Variants in NHSL1 observed in about 807,000 individuals in gnomAD.
NHSL1 encodes NHS-like protein 1.
NHSL1 carries 48 observed loss-of-function variants against 95.0 expected under a neutral mutation model. The ratio of observed to expected loss-of-function variants is 0.51; its 90% CI spans 0.40 to 0.64. The LOEUF is 0.64. NHSL1 is among the 30% of genes least tolerant of loss of function. The pLI, the probability that NHSL1 is intolerant of heterozygous loss-of-function variation, is 0.00. For synonymous variants in NHSL1, 783 were observed against 833.9 expected (o/e 0.94, Z 1.05); for missense variants, 1,971 against 2,077.7 (o/e 0.95, Z 1.00).
intron 1 of NHSL1, among the ~76,000 whole-genome samples, chr6:138,552,641 T>C (rs1258133213): frequency 6.6e-6 from 1 of 152,126 alleles, no homozygotes; most frequent in Non-Finnish European, 1.5e-5. Flanking sequence ...TGTAAGAACC[T>C]TTAGGTCCTT....
At chr6:138,644,991 C>T (rs1784998400) in intron 1 of NHSL1, among the ~76,000 whole-genome samples, 1 of 152,194 alleles carries the variant, frequency 6.6e-6, no homozygotes, top group African/African-American at 2.4e-5. Context: ...TAAAAGGCCT[C>T]TGGGGCCTGA....
chr6:138,540,517 A>G (rs980782587), intron 1 of NHSL1, among the ~76,000 whole-genome samples: 24 of 152,328 alleles, frequency 1.6e-4, no homozygotes, highest in Non-Finnish European at 3.2e-4. Flanking sequence ...GATTCCTAAC[A>G]TTATTTTCCA....
In NHSL1 at chr6:138,430,688, G is replaced by A. The variant is rs1349020185; in HGVS notation, c.3657C>T (p.Asn1219=). The A allele has an allele frequency of 5.4e-5, 84 of 1,551,692 alleles. No homozygotes were observed. Among genetic ancestry groups the A allele is most frequent in the Non-Finnish European group, 7.0e-5 (80 of 1,147,004 alleles). ...GCACAGCTCGGAGGGCTTCGCTCAC[G>A]TTCTCTGCGGGCTCCACTGCAAAAT... ...QKDFAVEPAE[N]VSEALRAVPS... is the part of the protein sequence containing the mutation. The change falls in exon 6 of 8, where the codon AAC becomes AAT. Residue 1219 remains asparagine (N), a synonymous_variant. Coordinates refer to ENST00000343505, the MANE Select transcript of NHSL1 (RefSeq NM_001144060.2). This position sits in a 1 kb window ranked among gnomAD's most constrained non-coding sequence, Gnocchi z 4.7.
chr6:138,563,757 C>T (rs879191224), intron 1 of NHSL1, among the ~76,000 whole-genome samples: 1 of 152,096 alleles, frequency 6.6e-6, no homozygotes, highest in Admixed American at 6.5e-5. Flanking sequence ...ATGTATAGGG[C>T]TTAAGAGAGC....
chr6:138,578,396 C>T (rs1784002096), intron 1 of NHSL1, among the ~76,000 whole-genome samples: 1 of 152,158 alleles, frequency 6.6e-6, no homozygotes, highest in African/African-American at 2.4e-5. Flanking sequence ...TGACACAGAA[C>T]ATGGACGTCA....
intron 5 of NHSL1, among the ~76,000 whole-genome samples, chr6:138,440,290 G>GA (rs1776444868): frequency 6.6e-6 from 1 of 152,118 alleles, no homozygotes; most frequent in African/African-American, 2.4e-5. Flanking sequence ...TTCAAGAATG[G>GA]AAAAAAGAGT....
chr6:138,679,618 GGCCCTAGGAA>G (rs1785487342), intron 1 of NHSL1, among the ~76,000 whole-genome samples: 2 of 152,096 alleles, frequency 1.3e-5, no homozygotes, highest in South Asian at 4.1e-4. Flanking sequence ...TTGAAGAAGA[GGCCCTAGGAA>G]GCCCAGAAGA....
At chr6:138,539,683 T>A (rs1782504112) in intron 1 of NHSL1, among the ~76,000 whole-genome samples, 1 of 152,248 alleles carries the variant, frequency 6.6e-6, no homozygotes, top group Non-Finnish European at 1.5e-5. Flanking sequence ...ACTGAAATCT[T>A]AGCTAATGCT....
chr6:138,682,161 A>C (rs1785521158), intron 1 of NHSL1, among the ~76,000 whole-genome samples: 1 of 152,098 alleles, frequency 6.6e-6, no homozygotes, highest in Admixed American at 6.6e-5. Flanking sequence ...TTTAGTAGAT[A>C]TGGGGTTTCA....
intron 1 of NHSL1, among the ~76,000 whole-genome samples, chr6:138,636,796 G>C (rs1784894243): frequency 6.6e-6 from 1 of 152,060 alleles, no homozygotes; most frequent in African/African-American, 2.4e-5. Context: ...CCACGTTCAT[G>C]GATTGGAAAA....
At chr6:138,540,713 C>T (rs971722647) in intron 1 of NHSL1, among the ~76,000 whole-genome samples, 1 of 152,218 alleles carries the variant, frequency 6.6e-6, no homozygotes, top group African/African-American at 2.4e-5. Flanking sequence ...TAATCTCCAA[C>T]ATAACTCTTT....
chr6:138,534,862 T>G (rs1409507414), intron 1 of NHSL1, among the ~76,000 whole-genome samples: 1 of 152,196 alleles, frequency 6.6e-6, no homozygotes, highest in African/African-American at 2.4e-5. Context: ...AGAACACGAC[T>G]CAGCTGGGAC....
intron 1 of NHSL1, among the ~76,000 whole-genome samples, chr6:138,557,804 G>T (rs1783249046): frequency 6.6e-6 from 1 of 152,128 alleles, no homozygotes; most frequent in South Asian, 2.1e-4. Flanking sequence ...GGAACTGCTT[G>T]CTCACAACAA....
chr6:138,604,108 C>T (rs755123710), intron 1 of NHSL1, among the ~76,000 whole-genome samples: 1 of 152,066 alleles, frequency 6.6e-6, no homozygotes, highest in Non-Finnish European at 1.5e-5. Flanking sequence ...AGTTGACCAC[C>T]CAGAGCTAAC....
intron 1 of NHSL1, among the ~76,000 whole-genome samples, chr6:138,609,749 C>CAAAAAAAAAAA (rs10687521): frequency 9.4e-5 from 10 of 106,214 alleles, no homozygotes; most frequent in African/African-American, 2.1e-4. Flanking sequence ...GACTCTGTCT[C>CAAAAAAAAAAA]AAAAAAAAAA....
In NHSL1 at chr6:138,423,887, A is replaced by T; in HGVS notation, c.*194T>A. On this transcript the variant is annotated 3_prime_UTR_variant, in exon 8 of 8. Transcript: ENST00000343505. Reference sequence around the variant, plus strand: ...GAAGTTTAAGCTTCTACTTGTTCTTAAGCCACAGGGCAAGTGCCAGGTGAG... The same window carrying T: ...GAAGTTTAAGCTTCTACTTGTTCTTTAGCCACAGGGCAAGTGCCAGGTGAG... 2.4e-6 allele frequency: 1 copy of T among 415,442 alleles called. No homozygotes were observed. The highest frequency in any genetic ancestry group is 4.1e-6 in the Non-Finnish European group (1 of 246,910). 25.7% of individuals were successfully genotyped at this position (415,442 alleles called of 1,614,324 possible). A position where few individuals can be genotyped will look rare whatever the true frequency, so the allele number is the denominator to read the frequency against.
intron 2 of NHSL1, among the ~76,000 whole-genome samples, chr6:138,483,533 ATT>A (rs1473897773): frequency 6.6e-6 from 1 of 152,190 alleles, no homozygotes; most frequent in African/African-American, 2.4e-5. Context: ...TCTTACATTT[ATT>A]TTAACATTCC....
intron 1 of NHSL1, among the ~76,000 whole-genome samples, chr6:138,518,833 C>T (rs1003140475): frequency 4.6e-5 from 7 of 152,066 alleles, no homozygotes; most frequent in Non-Finnish European, 8.8e-5. Flanking sequence ...GCCTGGCCAA[C>T]GTGGTGAAAC....
Position 138,442,628 on chromosome 6 carries a change from A to T in NHSL1, c.533-514T>A, listed in dbSNP as rs112365970. On this transcript the variant is annotated intron_variant, in intron 4 of 7. Transcript: ENST00000343505. ...TCAAGGAGGCTGACAATTTGGATAG[A>T]CTGTGGTAATTGTTGTGGTGTGACA... Among the ~76,000 whole-genome samples the T allele has an allele frequency of 8.6e-3, 1,305 of 152,346 alleles. 25 individuals carry two copies. The highest frequency in any genetic ancestry group is 0.029 in the African/African-American group (1,221 of 41,578).
Sources: allele counts gnomAD v4.1 joint callset (sites outside exome capture counted in the v4.1 genomes callset), GRCh38; gene constraint gnomAD v4.1.1; non-coding constraint Gnocchi (gnomAD v3.1); transcripts MANE v1.5; gene names NCBI Gene and HGNC (gene_info 2026-07-23, HGNC 2026-07-21).